AK8: variants seen among roughly 807,000 people sequenced by gnomAD.
The protein encoded by AK8 is adenylate kinase 8, also known as ATP-AMP transphosphorylase 8.
Under a neutral mutation model 54.6 loss-of-function variants are expected in AK8, and 44 were observed. The observed-to-expected ratio is 0.81, with a 90% confidence interval of 0.63 to 1.04. The LOEUF (loss-of-function observed/expected upper bound fraction) is 1.04, where lower values mean the gene tolerates loss of function less well. AK8 is among the 50% of genes least tolerant of loss of function. The pLI, the probability that AK8 is intolerant of heterozygous loss-of-function variation, is 0.00. For missense variants in AK8, 555 were observed against 613.6 expected, an observed-to-expected ratio of 0.90 and a Z score of 1.01; for synonymous variants, 239 against 245.6, an observed-to-expected ratio of 0.97 and a Z score of 0.25.
chr9:132,814,524 A>C, intron 10 of AK8, 114 bp downstream of exon 10: 1 of 1,049,992 alleles, frequency 9.5e-7, no homozygotes, highest in African/African-American at 1.6e-5. Context: ...CCCAATTTCC[A>C]TTTCCCGGCT....
rs141321742 is a variant in AK8, at chr9:132,774,814, T to C, written c.1121+17820A>G. Among the ~76,000 whole-genome samples the C allele has an allele frequency of 1.0e-3, 155 of 152,274 alleles. 1 individual carries two copies. Among genetic ancestry groups the C allele is most frequent in the African/African-American group, 3.4e-3 (143 of 41,554 alleles). On this transcript the variant is annotated intron_variant, in intron 11 of 12. Coordinates refer to ENST00000298545, the MANE Select transcript of AK8 (RefSeq NM_152572.3). ...GATTGCTTTGGAGCTCTGATTTCCATGGCGGGGAAGGCATGTTTATCTTCT... is the reference window on the plus strand; with the variant it reads ...GATTGCTTTGGAGCTCTGATTTCCACGGCGGGGAAGGCATGTTTATCTTCT...
chr9:132,774,896 A>G (rs1839141915), intron 11 of AK8, among the ~76,000 whole-genome samples: 1 of 152,202 alleles, frequency 6.6e-6, no homozygotes, highest in Admixed American at 6.5e-5. Context: ...AGTACAACCC[A>G]CTGGGCCCCT....
intron 10 of AK8, among the ~76,000 whole-genome samples, chr9:132,795,573 G>A (rs1840130427): frequency 6.6e-6 from 1 of 152,192 alleles, no homozygotes; most frequent in East Asian, 1.9e-4. Context: ...ACGGAAAGAA[G>A]AAACCAATAC....
chr9:132,795,846 A>G (rs1840148049), intron 10 of AK8, among the ~76,000 whole-genome samples: 1 of 152,190 alleles, frequency 6.6e-6, no homozygotes, highest in South Asian at 2.1e-4. Flanking sequence ...GACGGCTACT[A>G]AGGAGGCCGC....
At chr9:132,878,488 CG>C (rs1201785138), upstream of AK8, 25 of 1,208,154 alleles carry the variant, frequency 2.1e-5, no homozygotes, top group Admixed American at 2.6e-4. The surrounding 1 kb of genome is among the most constrained non-coding windows in gnomAD (Gnocchi z 4.7). Context: ...CGCATCTTAG[CG>C]GGGGACACCC....
intron 10 of AK8, among the ~76,000 whole-genome samples, chr9:132,800,580 C>A (rs2131199004): frequency 6.6e-6 from 1 of 152,300 alleles, no homozygotes; most frequent in South Asian, 2.1e-4. Flanking sequence ...AGATGCCTTC[C>A]ATGGTTTTCT....
chr9:132,740,187 C>A (rs569821936), intron 11 of AK8, among the ~76,000 whole-genome samples: 27 of 152,368 alleles, frequency 1.8e-4, no homozygotes, highest in African/African-American at 6.3e-4. Flanking sequence ...ATTTTACCAA[C>A]ACGGGTACTG....
At chr9:132,835,117 G>A (rs910733492) in intron 5 of AK8, among the ~76,000 whole-genome samples, 4 of 152,132 alleles carry the variant, frequency 2.6e-5, no homozygotes, top group African/African-American at 4.8e-5. Context: ...TGATCCACCC[G>A]CCTTAGCTGC....
chr9:132,873,863 C>T (rs146559677), intron 2 of AK8, among the ~76,000 whole-genome samples: 93 of 152,286 alleles, frequency 6.1e-4, no homozygotes, highest in African/African-American at 2.1e-3. Context: ...ACCCTAAGAG[C>T]AGGTGATGAA....
intron 11 of AK8, among the ~76,000 whole-genome samples, chr9:132,777,159 A>G (rs1353840751): frequency 6.6e-6 from 1 of 152,154 alleles, no homozygotes; most frequent in Non-Finnish European, 1.5e-5. Context: ...AAATCTTGCG[A>G]CTGGTATTTT....
At chr9:132,792,518 C>T in intron 11 of AK8, 116 bp downstream of exon 11, 1 of 1,376,320 alleles carries the variant, frequency 7.3e-7, no homozygotes, top group Non-Finnish European at 9.6e-7. Flanking sequence ...GACCAGGAGA[C>T]ATTCCACTTC....
In AK8 at chr9:132,727,906, C is replaced by T. The variant is rs1339879858; in HGVS notation, c.1122-372G>A. ...TGTCTGCATTCTGGGACACGCTCTC[C>T]CCTCACTCCTGCTGCCACCTGACCA... On this transcript the variant is annotated intron_variant, in intron 11 of 12. Coordinates refer to ENST00000298545, the MANE Select transcript of AK8 (RefSeq NM_152572.3). Among the ~76,000 whole-genome samples, 7 of 152,324 alleles carry T rather than the reference C, an allele frequency of 4.6e-5. No individual in the cohort carries two copies. The East Asian group carries it at 9.6e-4, about 21-fold the overall frequency.
chr9:132,749,939 C>G (rs1837827112), intron 11 of AK8, among the ~76,000 whole-genome samples: 1 of 146,504 alleles, frequency 6.8e-6, no homozygotes, highest in African/African-American at 2.6e-5. Context: ...CCCCAACCTC[C>G]TTCCTCTGTC....
Position 132,837,447 on chromosome 9 carries a change from G to A in AK8, c.403-8721C>T, listed in dbSNP as rs1263691717. 6.6e-6 allele frequency among the ~76,000 whole-genome samples: 1 copy of A among 152,096 alleles called. No homozygotes were observed. The highest frequency in any genetic ancestry group is 2.1e-4 in the South Asian group (1 of 4,816). On this transcript the variant is annotated intron_variant, in intron 5 of 12. Transcript: ENST00000298545. This position sits in a 1 kb window ranked among gnomAD's most constrained non-coding sequence, Gnocchi z 4.3. Reference sequence around the variant, plus strand: ...ACCTCTGACTCTCTGCTCAGCCTGCGAAGAGAAGAGTGATGTGGTCAGTAC... The same window carrying A: ...ACCTCTGACTCTCTGCTCAGCCTGCAAAGAGAAGAGTGATGTGGTCAGTAC...
chr9:132,863,870 T>A, intron 3 of AK8, 92 bp from the exon 4 acceptor site: 2 of 1,005,538 alleles, frequency 2.0e-6, no homozygotes, highest in Non-Finnish European at 2.9e-6. Context: ...CCCTCTCCTA[T>A]GGGAAAAGGT....
At chr9:132,802,561 G>A (rs1840511963) in intron 10 of AK8, among the ~76,000 whole-genome samples, 1 of 152,106 alleles carries the variant, frequency 6.6e-6, no homozygotes, top group Non-Finnish European at 1.5e-5. Context: ...CCCACGGAGA[G>A]GCTGTGAGGA....
intron 11 of AK8, among the ~76,000 whole-genome samples, chr9:132,777,415 T>C (rs1178881256): frequency 1.3e-5 from 2 of 152,090 alleles, no homozygotes; most frequent in African/African-American, 2.4e-5. Flanking sequence ...CAAGTAGAAG[T>C]AGATCAGAGA....
intron 5 of AK8, among the ~76,000 whole-genome samples, chr9:132,832,150 A>AG (rs1421775991): frequency 2.7e-5 from 4 of 147,526 alleles, no homozygotes; most frequent in African/African-American, 9.8e-5. Context: ...TGACATTTAA[A>AG]AAAAAAAAAA....
At chr9:132,867,282 G>C (rs7025767) in intron 2 of AK8, among the ~76,000 whole-genome samples, 1 of 152,118 alleles carries the variant, frequency 6.6e-6, no homozygotes, top group African/African-American at 2.4e-5. Context: ...TCTCAGGAAC[G>C]CTCTCTCCAA....
Sources: allele counts gnomAD v4.1 joint callset (sites outside exome capture counted in the v4.1 genomes callset), GRCh38; gene constraint gnomAD v4.1.1; non-coding constraint Gnocchi (gnomAD v3.1); transcripts MANE v1.5; gene names NCBI Gene and HGNC (gene_info 2026-07-23, HGNC 2026-07-21).